Variants in FGF17 observed in about 807,000 individuals in gnomAD.
FGF17 encodes the protein fibroblast growth factor 17.
FGF17 carries 5 observed loss-of-function variants against 23.5 expected under a neutral mutation model. The observed-to-expected ratio is 0.21, with a 90% CI of 0.11 to 0.45. The LOEUF (loss-of-function observed/expected upper bound fraction) is 0.45, where lower values mean the gene tolerates loss of function less well. Among genes scored for constraint, FGF17 ranks in the 20% least tolerant of loss-of-function variants. The pLI, the probability that FGF17 is intolerant of heterozygous loss-of-function variation, is 0.99. For synonymous variants in FGF17, 136 were observed against 123.0 expected (o/e 1.11, Z -0.70); for missense variants, 221 against 306.9 (o/e 0.72, Z 2.09).
intron 2 of FGF17, chr8:22,044,547 G>A (rs184854023): frequency 1.8e-4 from 57 of 315,572 alleles, no homozygotes; most frequent in African/African-American, 9.2e-4. Flanking sequence ...AGAGGAGGCC[G>A]TCGGCCAAGA....
At chr8:22,041,288 G>C (rs1272894275), upstream of FGF17, among the ~76,000 whole-genome samples, 1 of 152,250 alleles carries the variant, frequency 6.6e-6, no homozygotes. Flanking sequence ...ACTGGTCAGT[G>C]CATGGGGGCA....
upstream of FGF17, among the ~76,000 whole-genome samples, chr8:22,041,075 T>A (rs573169065): frequency 6.6e-6 from 1 of 152,292 alleles, no homozygotes; most frequent in South Asian, 2.1e-4. Flanking sequence ...ATCCAAGGAA[T>A]GAGGAAGTTG....
intron 2 of FGF17, chr8:22,045,490 A>G (rs1271024775): frequency 2.5e-5 from 25 of 989,658 alleles, no homozygotes; most frequent in Non-Finnish European, 3.0e-5. Flanking sequence ...AAGGCCGGGA[A>G]GAAGATGGGT....
At chr8:22,042,774 T>C, upstream of FGF17, 1 of 660,384 alleles carries the variant, frequency 1.5e-6, no homozygotes, top group Admixed American at 2.4e-5. Flanking sequence ...CCCTCTTTTC[T>C]CTCCTCCTCC....
At chr8:22,044,860 G>C (rs1427973644) in intron 2 of FGF17, 8 of 985,402 alleles carry the variant, frequency 8.1e-6, no homozygotes, top group South Asian at 4.7e-5. Flanking sequence ...CCCTAGGAGA[G>C]AGTAGCCCCT....
chr8:22,042,905 A>C lies in FGF17; in HGVS notation c.-24A>C, dbSNP rs752268023. ...TCCTGAGCTTGGGGGCAGGGGGGCAACCGCCTGAGGAACCTCTCCAGCGAT... is the reference window on the plus strand; with the variant it reads ...TCCTGAGCTTGGGGGCAGGGGGGCACCCGCCTGAGGAACCTCTCCAGCGAT... On this transcript the variant is annotated 5_prime_UTR_variant, in exon 1 of 5. Transcript: ENST00000359441. 2 of 1,612,926 alleles carry C rather than the reference A, an allele frequency of 1.2e-6. No individual in the cohort carries two copies. Among genetic ancestry groups the C allele is most frequent in the Non-Finnish European group, 8.5e-7 (1 of 1,179,654 alleles).
chr8:22,043,712 T>A (rs897832434), intron 2 of FGF17, among the ~76,000 whole-genome samples: 11 of 151,922 alleles, frequency 7.2e-5, no homozygotes, highest in Non-Finnish European at 1.5e-4. Flanking sequence ...TGGGACGGGA[T>A]GCAGGGTTCG....
At chr8:22,044,288 G>T (rs1033641004) in intron 2 of FGF17, among the ~76,000 whole-genome samples, 2 of 152,134 alleles carry the variant, frequency 1.3e-5, no homozygotes, top group African/African-American at 2.4e-5. Context: ...TGGGAGGGGG[G>T]GCCAGCAGGC....
chr8:22,043,021 C>T, intron 1 of FGF17, 58 bp downstream of exon 1: 1 of 1,604,286 alleles, frequency 6.2e-7, no homozygotes. Flanking sequence ...TCAGGGCAGC[C>T]CTCCTCTTCC....
chr8:22,042,705 G>C (rs1800758609), upstream of FGF17: 2 of 608,122 alleles, frequency 3.3e-6, no homozygotes, highest in Non-Finnish European at 5.8e-6. Flanking sequence ...CACTGGCCAG[G>C]AAGGTGGACA....
At chr8:22,042,006 G>C (rs1800746892), upstream of FGF17, among the ~76,000 whole-genome samples, 2 of 152,162 alleles carry the variant, frequency 1.3e-5, no homozygotes, top group South Asian at 4.1e-4. Flanking sequence ...GTGGAGCTGG[G>C]TCTCAGAACA....
intron 2 of FGF17, chr8:22,044,530 G>C (rs1800816058): frequency 4.6e-6 from 1 of 217,472 alleles, no homozygotes; most frequent in Non-Finnish European, 7.8e-6. Flanking sequence ...ACCTGGAACA[G>C]ACTGCCAGAG....
rs774492730 is a variant in FGF17 at position 22,046,649 on chromosome 8, T to C, written c.357+16T>C. The C allele has an allele frequency of 5.1e-6, 8 of 1,572,088 alleles. No homozygotes were observed. The highest frequency in any genetic ancestry group is 6.1e-6 in the Non-Finnish European group (7 of 1,141,956). On this transcript the variant is annotated intron_variant, in intron 4 of 4. Coordinates refer to ENST00000359441, the MANE Select transcript of FGF17 (RefSeq NM_003867.4). ...CATCGGGAAGGTGAGGCTGGGAGAC[T>C]GGGAAGTAACAGAGAATCAGCCCTA...
chr8:22,043,079 G>A lies in FGF17; in HGVS notation c.36-66G>A, dbSNP rs1585532874. 1.9e-6 allele frequency: 3 copies of A among 1,604,242 alleles called. No homozygotes were observed. The East Asian group carries it at 6.7e-5, about 36-fold the overall frequency. On this transcript the variant is annotated intron_variant, in intron 1 of 4. Transcript: ENST00000359441. ...ACGGGGCTGGCAGGGCGGGGGCGGG[G>A]GCCTGGGTGCACCCTAGGCTTGCAG...
intron 4 of FGF17, 98 bp downstream of exon 4, chr8:22,046,731 C>A: frequency 1.2e-6 from 1 of 801,294 alleles, no homozygotes; most frequent in Non-Finnish European, 2.1e-6. Context: ...GCCACACACC[C>A]TCCTGTGTAA....
At chr8:22,047,585 G>C (rs960975655) in intron 4 of FGF17, among the ~76,000 whole-genome samples, 5 of 152,190 alleles carry the variant, frequency 3.3e-5, no homozygotes, top group Admixed American at 6.5e-5. Flanking sequence ...TCTCATTGGA[G>C]GCTGCTGCCT....
chr8:22,046,619 A>C lies in FGF17; in HGVS notation c.343A>C (p.Lys115Gln). ...GTACATCTGTATGAACAAGAGGGGC[A>C]AGCTCATCGGGAAGGTGAGGCTGGG... ...EKYICMNKRG[K>Q]LIGKPSGKSK... The change falls in exon 4 of 5, where the codon AAG becomes CAG. Residue 115 changes from lysine to glutamine, a missense_variant. Physicochemically the swap from Lys to Gln is moderately conservative, Grantham distance 53. Around this residue, in one of 3 missense-constraint regions of FGF17, gnomAD observed 128 missense variants for 150.4 expected, o/e 0.85. Transcript: ENST00000359441. 6.8e-6 allele frequency: 11 copies of C among 1,612,808 alleles called. No individual in the cohort carries two copies. The highest frequency in any genetic ancestry group is 9.3e-6 in the Non-Finnish European group (11 of 1,178,916).
upstream of FGF17, among the ~76,000 whole-genome samples, chr8:22,040,032 C>T (rs1326107772): frequency 6.6e-6 from 1 of 152,026 alleles, no homozygotes; most frequent in African/African-American, 2.4e-5. Context: ...ACCTCCTGAA[C>T]CCCACCCCCC....
At position 22,046,078 on chromosome 8, in the gene FGF17, C is replaced by T. The variant is rs758893033; in HGVS notation, c.73-36C>T. On this transcript the variant is annotated intron_variant, in intron 2 of 4. Transcript: ENST00000359441. The stretch of plus-strand genomic sequence containing the variant: ...GGACCAGTGGTGGTGTCACCCAAAG[C>T]AAATTGACACTATTTTTCCCTTGGT... 5.6e-6 allele frequency: 9 copies of T among 1,613,886 alleles called. No homozygotes were observed. The Admixed American group carries it at 1.3e-4, about 24-fold the overall frequency.
Sources: gnomAD v4.1 joint callset for allele counts (sites outside exome capture counted in the v4.1 genomes callset) on GRCh38, gnomAD v4.1.1 for gene constraint, gnomAD v4.1.1 regional missense constraint, MANE v1.5 for transcripts, NCBI Gene and HGNC (gene_info 2026-07-23, HGNC 2026-07-21) for gene names.